Variants in SIK2 observed in about 807,000 individuals in gnomAD.
SIK2 encodes the protein serine/threonine-protein kinase SIK2.
A neutral mutation model predicts 103.2 loss-of-function variants in SIK2; 29 were observed. The observed-to-expected ratio is 0.28, with a 90% CI of 0.21 to 0.38. SIK2 has a LOEUF of 0.38. SIK2 is among the 10% of genes least tolerant of loss of function. The pLI is 1.00. For missense variants in SIK2, 879 were observed against 1,171.0 expected (o/e 0.75, Z 3.64); for synonymous variants, 412 against 446.1 (o/e 0.92, Z 0.96).
intron 3 of SIK2, among the ~76,000 whole-genome samples, chr11:111,666,061 G>A (rs1942537122): frequency 6.6e-6 from 1 of 152,170 alleles, no homozygotes; most frequent in Non-Finnish European, 1.5e-5. Context: ...TAGTATAAAT[G>A]ATGCTGAAGC....
intron 3 of SIK2, among the ~76,000 whole-genome samples, chr11:111,643,390 A>T (rs901918075): frequency 4.6e-5 from 7 of 152,140 alleles, no homozygotes; most frequent in Non-Finnish European, 1.0e-4. Context: ...TGGGTTGATA[A>T]ATGCAGCAAA....
At position 111,729,108 on chromosome 11, in the gene SIK2, A is replaced by G. The variant is rs530782805; in HGVS notation, c.*4979A>G. 1 of 152,330 alleles carries G rather than the reference A, an allele frequency of 6.6e-6. No individual in the cohort carries two copies. Among genetic ancestry groups the G allele is most frequent in the South Asian group, 2.1e-4 (1 of 4,816 alleles). The allele number at this position is 152,330 out of a possible 1,614,324, so 9.4% of individuals were successfully genotyped here. ...GTGAACGAAAGCAGTGGAGCCTCTC[A>G]CCTTCCAGTAGCCTCTCACATTCTT... On this transcript the variant is annotated 3_prime_UTR_variant, in exon 15 of 15. Coordinates refer to ENST00000304987, the MANE Select transcript of SIK2 (RefSeq NM_015191.3).
At position 111,701,071 on chromosome 11, in the gene SIK2, G is replaced by T; in HGVS notation, c.603+61G>T. The T allele has an allele frequency of 1.3e-6, 2 of 1,568,190 alleles. No homozygotes were observed. Among genetic ancestry groups the T allele is most frequent in the Non-Finnish European group, 1.7e-6 (2 of 1,153,698 alleles). ...TATACTGATAATACTTGGTGTTCTGGCCCATCTTAGAAGCTCCTGGTACTT... is the reference window on the plus strand; with the variant it reads ...TATACTGATAATACTTGGTGTTCTGTCCCATCTTAGAAGCTCCTGGTACTT... On this transcript the variant is annotated intron_variant, in intron 5 of 14. Transcript: ENST00000304987. This position sits in a 1 kb window ranked among gnomAD's most constrained non-coding sequence, Gnocchi z 4.2.
chr11:111,606,713 A>T (rs1941653292), intron 1 of SIK2, among the ~76,000 whole-genome samples: 1 of 152,134 alleles, frequency 6.6e-6, no homozygotes, highest in African/African-American at 2.4e-5. Flanking sequence ...AATTGCTGGT[A>T]AAGTCCTAAA....
chr11:111,614,375 C>A (rs555415532), intron 1 of SIK2, among the ~76,000 whole-genome samples: 219 of 152,214 alleles, frequency 1.4e-3, no homozygotes, highest in Non-Finnish European at 2.9e-3. Flanking sequence ...TGAGCCACAG[C>A]GCCCAGCCTG....
At chr11:111,620,473 G>A in intron 3 of SIK2, 71 bp downstream of exon 3, 1 of 967,164 alleles carries the variant, frequency 1.0e-6, no homozygotes, top group Non-Finnish European at 1.6e-6. Flanking sequence ...GGTATTTTCT[G>A]TTAATTTTCT....
At chr11:111,605,210 G>A (rs559259032) in intron 1 of SIK2, among the ~76,000 whole-genome samples, 1 of 152,056 alleles carries the variant, frequency 6.6e-6, no homozygotes, top group Non-Finnish European at 1.5e-5. Context: ...TGATCCACAC[G>A]CCTTGGCCCC....
chr11:111,719,234 A>G (rs1279628964), intron 9 of SIK2, among the ~76,000 whole-genome samples: 1 of 152,150 alleles, frequency 6.6e-6, no homozygotes, highest in Non-Finnish European at 1.5e-5. Flanking sequence ...TTCCCCAGGC[A>G]TATAGAACCA....
chr11:111,686,271 T>C (rs2135891813), intron 3 of SIK2, among the ~76,000 whole-genome samples: 1 of 152,182 alleles, frequency 6.6e-6, no homozygotes, highest in South Asian at 2.1e-4. Flanking sequence ...TGAAACCTCG[T>C]CTCTACTACA....
At chr11:111,669,636 A>G (rs983806794) in intron 3 of SIK2, among the ~76,000 whole-genome samples, 2 of 151,882 alleles carry the variant, frequency 1.3e-5, no homozygotes, top group East Asian at 1.9e-4. Flanking sequence ...TCCCACACCA[A>G]AAAAATACTA....
intron 3 of SIK2, among the ~76,000 whole-genome samples, chr11:111,674,267 C>T (rs1942671475): frequency 6.6e-6 from 1 of 152,064 alleles, no homozygotes; most frequent in Admixed American, 6.6e-5. Flanking sequence ...CCACAACTAA[C>T]CCCTCTGTCT....
chr11:111,613,708 A>C (rs373599046), intron 1 of SIK2, among the ~76,000 whole-genome samples: 7 of 152,300 alleles, frequency 4.6e-5, no homozygotes, highest in Non-Finnish European at 1.0e-4. Context: ...CATTACGGTA[A>C]TAATTAAAAC....
At position 111,701,132 on chromosome 11, in the gene SIK2, C is replaced by A; in HGVS notation, c.603+122C>A. 1 of 1,298,516 alleles carries A rather than the reference C, an allele frequency of 7.7e-7. No individual in the cohort carries two copies. Among genetic ancestry groups the A allele is most frequent in the Non-Finnish European group, 1.0e-6 (1 of 964,272 alleles). 80.4% of individuals were successfully genotyped at this position (1,298,516 alleles called of 1,614,324 possible). On this transcript the variant is annotated intron_variant, in intron 5 of 14. Transcript: ENST00000304987. This position sits in a 1 kb window ranked among gnomAD's most constrained non-coding sequence, Gnocchi z 4.2. The stretch of plus-strand genomic sequence containing the variant: ...CAGTATTTCATATTTTCCCCATCCA[C>A]TGGACTATAATTACTCAGAGCATCT...
intron 12 of SIK2, 133 bp from the exon 13 acceptor site, chr11:111,721,697 A>T: frequency 1.7e-6 from 1 of 583,878 alleles, no homozygotes; most frequent in Non-Finnish European, 3.0e-6. Flanking sequence ...CTGGCTCTGT[A>T]AAAGCTTTGA....
At chr11:111,717,394 T>G (rs1226538108) in intron 9 of SIK2, among the ~76,000 whole-genome samples, 1 of 139,654 alleles carries the variant, frequency 7.2e-6, no homozygotes, top group East Asian at 2.2e-4. Flanking sequence ...CACAATGAGA[T>G]ACTATCTCAT....
intron 9 of SIK2, among the ~76,000 whole-genome samples, chr11:111,714,142 G>A (rs894285401): frequency 6.6e-6 from 1 of 152,200 alleles, no homozygotes; most frequent in South Asian, 2.1e-4. Context: ...GAGGAGTGAT[G>A]TCTACAGTGG....
intron 9 of SIK2, among the ~76,000 whole-genome samples, chr11:111,715,307 G>GCACA (rs145164173): frequency 1.3e-5 from 2 of 151,776 alleles, no homozygotes; most frequent in African/African-American, 4.8e-5. Flanking sequence ...ATAAATAAGT[G>GCACA]CACACACACA....
Position 111,605,036 on chromosome 11 carries a change from C to T in SIK2, c.135+2338C>T, listed in dbSNP as rs148245355. On this transcript the variant is annotated intron_variant, in intron 1 of 14. Transcript: ENST00000304987. ...GGAGTGCAGTGGTGCGATCTCGGCT[C>T]ACTGCAACCTCTGCCTCCTGGGTTC... is the stretch of plus-strand genomic sequence containing the variant. 7.5e-3 allele frequency among the ~76,000 whole-genome samples: 1,135 copies of T among 150,460 alleles called. 14 individuals carry two copies. Among genetic ancestry groups the T allele is most frequent in the South Asian group, 0.048 (230 of 4,766 alleles).
chr11:111,706,959 CAA>C (rs763828886), intron 8 of SIK2, among the ~76,000 whole-genome samples: 13 of 52,106 alleles, frequency 2.5e-4, no homozygotes, highest in Admixed American at 8.0e-4. Context: ...GACTCCGTCT[CAA>C]AAAAAAAAAA....
Sources: gnomAD v4.1 joint callset for allele counts (sites outside exome capture counted in the v4.1 genomes callset) on GRCh38, gnomAD v4.1.1 for gene constraint, Gnocchi (gnomAD v3.1) non-coding constraint, MANE v1.5 for transcripts, NCBI Gene and HGNC (gene_info 2026-07-23, HGNC 2026-07-21) for gene names.